ME1: variants seen among roughly 807,000 people sequenced by gnomAD.
ME1 encodes malic enzyme 1.
A neutral mutation model predicts 66.4 loss-of-function variants in ME1; 74 were observed. That is an observed-to-expected ratio of 1.11 (90% CI 0.92 to 1.35). The LOEUF is 1.35. ME1 is among the 40% of genes most tolerant of loss of function. ME1 has a pLI of 0.00. For synonymous variants in ME1, 251 were observed against 235.6 expected, an observed-to-expected ratio of 1.07 and a Z score of -0.60; for missense variants, 750 against 694.1, an observed-to-expected ratio of 1.08 and a Z score of -0.90.
At chr6:83,227,756 T>C (rs1439227937) in intron 10 of ME1, among the ~76,000 whole-genome samples, 5 of 152,204 alleles carry the variant, frequency 3.3e-5, no homozygotes, top group Admixed American at 6.5e-5. Context: ...TACCAATCAC[T>C]TGGAAATTTG....
chr6:83,322,069 T>C (rs535414204), intron 5 of ME1, among the ~76,000 whole-genome samples: 1 of 152,246 alleles, frequency 6.6e-6, no homozygotes, highest in Admixed American at 6.5e-5. Context: ...GGACTGACTC[T>C]TAGAAGGAAA....
At chr6:83,279,771 T>A (rs556947065) in intron 6 of ME1, among the ~76,000 whole-genome samples, 1 of 152,252 alleles carries the variant, frequency 6.6e-6, no homozygotes, top group South Asian at 2.1e-4. Context: ...AAGGCACAGA[T>A]CCAGGAAGCT....
chr6:83,374,044 T>C (rs1769241954), intron 3 of ME1, among the ~76,000 whole-genome samples: 1 of 152,206 alleles, frequency 6.6e-6, no homozygotes, highest in African/African-American at 2.4e-5. Flanking sequence ...TTGATGACCA[T>C]AGTGCTGCAA....
chr6:83,323,144 T>A (rs1387930060), intron 5 of ME1, among the ~76,000 whole-genome samples: 1 of 151,856 alleles, frequency 6.6e-6, no homozygotes, highest in Non-Finnish European at 1.5e-5. Flanking sequence ...TTACAAGAGC[T>A]CCTGAAGGAA....
intron 4 of ME1, among the ~76,000 whole-genome samples, chr6:83,350,971 CAAAAAAAAAAA>C (rs34259968): frequency 5.4e-5 from 3 of 55,784 alleles, no homozygotes; most frequent in Admixed American, 2.2e-4. Context: ...GTGGAGAAAG[CAAAAAAAAAAA>C]AAAAAAAAAA....
At chr6:83,346,057 A>C in intron 5 of ME1, 116 bp downstream of exon 5, 1 of 815,952 alleles carries the variant, frequency 1.2e-6, no homozygotes, top group Non-Finnish European at 1.8e-6. Context: ...TTGGAGAGAG[A>C]AAGAGAACCA....
intron 7 of ME1, among the ~76,000 whole-genome samples, chr6:83,251,082 T>C (rs572943569): frequency 6.6e-6 from 1 of 152,318 alleles, no homozygotes; most frequent in African/African-American, 2.4e-5. Flanking sequence ...TTAAATACTT[T>C]CTGTGGGCTT....
At chr6:83,301,496 T>C (rs970418234) in intron 6 of ME1, among the ~76,000 whole-genome samples, 2 of 151,818 alleles carry the variant, frequency 1.3e-5, no homozygotes, top group Non-Finnish European at 2.9e-5. Flanking sequence ...GCACCCACCA[T>C]CATGCCTGGC....
At chr6:83,298,843 T>C (rs554381313) in intron 6 of ME1, among the ~76,000 whole-genome samples, 1 of 151,366 alleles carries the variant, frequency 6.6e-6, no homozygotes, top group African/African-American at 2.4e-5. Flanking sequence ...CATTGCTTGG[T>C]TTTGTCAGGC....
At chr6:83,268,207 T>G (rs756662425) in intron 6 of ME1, among the ~76,000 whole-genome samples, 1 of 152,132 alleles carries the variant, frequency 6.6e-6, no homozygotes, top group Non-Finnish European at 1.5e-5. Flanking sequence ...AAATTGATAT[T>G]TATATAGGAC....
chr6:83,272,457 C>A (rs951338225), intron 6 of ME1, among the ~76,000 whole-genome samples: 1 of 152,028 alleles, frequency 6.6e-6, no homozygotes, highest in Non-Finnish European at 1.5e-5. Context: ...ACATTCTAGG[C>A]CTTAAAATTG....
chr6:83,340,172 T>C (rs1039062307), intron 5 of ME1, among the ~76,000 whole-genome samples: 1 of 152,162 alleles, frequency 6.6e-6, no homozygotes, highest in African/African-American at 2.4e-5. Flanking sequence ...ATTTTTTAGT[T>C]GGTTTTCTTG....
At chr6:83,303,788 A>G (rs1767773986) in intron 6 of ME1, among the ~76,000 whole-genome samples, 1 of 152,166 alleles carries the variant, frequency 6.6e-6, no homozygotes, top group South Asian at 2.1e-4. Context: ...AGAAATCTTT[A>G]TATCTTTAAG....
Position 83,396,919 on chromosome 6 carries a change from A to G in ME1, c.362+1448T>C, listed in dbSNP as rs550710203. Among the ~76,000 whole-genome samples, 32 of 152,302 alleles carry G rather than the reference A, an allele frequency of 2.1e-4. No individual in the cohort carries two copies. The South Asian group carries it at 2.9e-3, about 14-fold the overall frequency. Reference sequence around the variant, plus strand: ...GTCTCTTCATTAAATGGTGACGGGAAAACTGGTTTTCCAAATGCCAGAAGA... The same window carrying G: ...GTCTCTTCATTAAATGGTGACGGGAGAACTGGTTTTCCAAATGCCAGAAGA... On this transcript the variant is annotated intron_variant, in intron 3 of 13. Transcript: ENST00000369705.
intron 13 of ME1, among the ~76,000 whole-genome samples, chr6:83,215,575 T>C (rs900599907): frequency 2.0e-5 from 3 of 152,206 alleles, no homozygotes; most frequent in Non-Finnish European, 4.4e-5. Flanking sequence ...ATAATTAAGT[T>C]AAAATGAGAC....
Position 83,372,127 on chromosome 6 carries a change from A to C in ME1, c.363-19988T>G, listed in dbSNP as rs146530250. Among the ~76,000 whole-genome samples, 7 of 152,318 alleles carry C rather than the reference A, an allele frequency of 4.6e-5. No individual in the cohort carries two copies. The East Asian group carries it at 1.4e-3, about 29-fold the overall frequency. ...TACAGTGTCTAGCAAATAGTAGCTG[A>C]GGCATATTAAAGATGATCACAAATC... On this transcript the variant is annotated intron_variant, in intron 3 of 13. Transcript: ENST00000369705.
At chr6:83,266,131 T>C (rs1766985945) in intron 6 of ME1, among the ~76,000 whole-genome samples, 1 of 152,142 alleles carries the variant, frequency 6.6e-6, no homozygotes, top group Non-Finnish European at 1.5e-5. Context: ...AGAATACTAC[T>C]TAGAAAAAGA....
chr6:83,279,550 T>C lies in ME1; in HGVS notation c.705-25812A>G, dbSNP rs190367663. On this transcript the variant is annotated intron_variant, in intron 6 of 13. Coordinates refer to ENST00000369705, the MANE Select transcript of ME1 (RefSeq NM_002395.6). ...GACCAGACACCACAAGGAAAGCATT[T>C]GTGTGCTCAAAGAAACGTCAACAGA... Among the ~76,000 whole-genome samples, 63 of 152,198 alleles carry C rather than the reference T, an allele frequency of 4.1e-4. 2 individuals carry two copies. In the East Asian group the frequency reaches 0.011, roughly 27 times the overall value.
rs143598036 is a variant in ME1 at position 83,355,600 on chromosome 6, G to C, written c.363-3461C>G. Among the ~76,000 whole-genome samples, 14 of 152,142 alleles carry C rather than the reference G, an allele frequency of 9.2e-5. No homozygotes were observed. In the East Asian group the frequency reaches 2.7e-3, roughly 29 times the overall value. ...AGAGAGTTCAACAAATAAAGGACCG[G>C]TAACGTCCCACCAAAACCAAGCATT... On this transcript the variant is annotated intron_variant, in intron 3 of 13. Transcript: ENST00000369705.
Sources: allele counts gnomAD v4.1 joint callset (sites outside exome capture counted in the v4.1 genomes callset), GRCh38; gene constraint gnomAD v4.1.1; transcripts MANE v1.5; gene names NCBI Gene and HGNC (gene_info 2026-07-23, HGNC 2026-07-21).